SAE1: variants seen among roughly 807,000 people sequenced by gnomAD.
SAE1 encodes SUMO1 activating enzyme subunit 1.
A neutral mutation model predicts 40.6 loss-of-function variants in SAE1; 11 were observed. The observed-to-expected ratio is 0.27, with a 90% CI of 0.17 to 0.45. The LOEUF (loss-of-function observed/expected upper bound fraction) is 0.45, where lower values mean the gene tolerates loss of function less well. Among genes scored for constraint, SAE1 ranks in the 20% least tolerant of loss-of-function variants. The pLI is 1.00. For missense variants in SAE1, 373 were observed against 427.3 expected, an observed-to-expected ratio of 0.87 and a Z score of 1.12; for synonymous variants, 155 against 154.3, an observed-to-expected ratio of 1.00 and a Z score of -0.03.
At chr19:47,137,082 G>T (rs2058184937) in intron 1 of SAE1, among the ~76,000 whole-genome samples, 1 of 152,040 alleles carries the variant, frequency 6.6e-6, no homozygotes, top group Non-Finnish European at 1.5e-5. Flanking sequence ...TAAGTGAAGG[G>T]ACTGTTGTGG....
intron 5 of SAE1, among the ~76,000 whole-genome samples, chr19:47,164,975 C>G (rs577378799): frequency 6.6e-6 from 1 of 150,398 alleles, no homozygotes; most frequent in Non-Finnish European, 1.5e-5. Flanking sequence ...TTAGTAGAGA[C>G]GGAGTTTCAC....
intron 6 of SAE1, among the ~76,000 whole-genome samples, chr19:47,172,763 A>C (rs2058442235): frequency 1.3e-5 from 2 of 150,686 alleles, no homozygotes; most frequent in Non-Finnish European, 3.0e-5. Flanking sequence ...AAAAGTGTAC[A>C]CGCCAAAAAA....
intron 3 of SAE1, among the ~76,000 whole-genome samples, chr19:47,152,619 A>G (rs768430760): frequency 6.6e-6 from 1 of 152,170 alleles, no homozygotes; most frequent in Non-Finnish European, 1.5e-5. Context: ...ATGTTCGTGG[A>G]TTACAGAAAA....
At chr19:47,169,998 G>A in intron 6 of SAE1, 75 bp downstream of exon 6, 1 of 1,127,786 alleles carries the variant, frequency 8.9e-7, no homozygotes, top group South Asian at 1.2e-5. Flanking sequence ...GCAAGGTCCA[G>A]ATGGTTTTGT....
intron 6 of SAE1, among the ~76,000 whole-genome samples, chr19:47,170,483 T>C (rs893015990): frequency 2.0e-5 from 3 of 147,300 alleles, no homozygotes; most frequent in African/African-American, 7.5e-5. Context: ...ATCAACCAAC[T>C]TCTCTTCACC....
chr19:47,196,773 A>C (rs907610601), intron 6 of SAE1, among the ~76,000 whole-genome samples: 1 of 152,002 alleles, frequency 6.6e-6, no homozygotes, highest in Non-Finnish European at 1.5e-5. Flanking sequence ...AGCCTTCCTG[A>C]TACCACCCTA....
chr19:47,183,358 T>G (rs2058523294), intron 6 of SAE1, among the ~76,000 whole-genome samples: 1 of 152,106 alleles, frequency 6.6e-6, no homozygotes, highest in Admixed American at 6.6e-5. Context: ...ACGCAGTAAG[T>G]GTTAGAGTCT....
At chr19:47,208,935 T>A (rs1190114645) in intron 8 of SAE1, among the ~76,000 whole-genome samples, 2 of 152,176 alleles carry the variant, frequency 1.3e-5, no homozygotes, top group African/African-American at 4.8e-5. Context: ...AATAAGGTAA[T>A]GTTTGGAGAG....
At chr19:47,136,898 G>T (rs1483788640) in intron 1 of SAE1, among the ~76,000 whole-genome samples, 1 of 152,132 alleles carries the variant, frequency 6.6e-6, no homozygotes, top group Non-Finnish European at 1.5e-5. Flanking sequence ...CCTCTAAGAG[G>T]GCTCTAGGTG....
At chr19:47,207,536 G>C (rs2058692542) in intron 8 of SAE1, among the ~76,000 whole-genome samples, 3 of 152,172 alleles carry the variant, frequency 2.0e-5, no homozygotes, top group Non-Finnish European at 4.4e-5. Flanking sequence ...TTGAAAATTT[G>C]TGACAATTGT....
chr19:47,133,076 G>A (rs1401009290), intron 1 of SAE1, among the ~76,000 whole-genome samples: 1 of 152,142 alleles, frequency 6.6e-6, no homozygotes, highest in Non-Finnish European at 1.5e-5. Flanking sequence ...AGAACAGCAA[G>A]TGCAAATTCC....
chr19:47,164,805 C>A (rs1452940751), intron 5 of SAE1, among the ~76,000 whole-genome samples: 5 of 151,668 alleles, frequency 3.3e-5, no homozygotes, highest in African/African-American at 9.7e-5. Context: ...CCTGCCACCA[C>A]GCCCAGCTAA....
chr19:47,130,876 C>T lies in SAE1; in HGVS notation c.-55C>T. Reference sequence around the variant, plus strand: ...CGGCGGCGGTAGGTGGCGCGCGGGTCCGGCGGGCGGTTGGCTTGAGCGGGA... The same window carrying T: ...CGGCGGCGGTAGGTGGCGCGCGGGTTCGGCGGGCGGTTGGCTTGAGCGGGA... On this transcript the variant is annotated 5_prime_UTR_variant, in exon 1 of 9. Transcript: ENST00000270225. 3 of 1,544,642 alleles carry T rather than the reference C, an allele frequency of 1.9e-6. No individual in the cohort carries two copies. Among genetic ancestry groups the T allele is most frequent in the Non-Finnish European group, 2.6e-6 (3 of 1,144,722 alleles).
At chr19:47,189,242 G>C (rs2058563689) in intron 6 of SAE1, among the ~76,000 whole-genome samples, 1 of 152,192 alleles carries the variant, frequency 6.6e-6, no homozygotes, top group African/African-American at 2.4e-5. Flanking sequence ...TGTTTCCAGA[G>C]ATAGCGACTC....
chr19:47,131,875 A>G (rs1307635432), intron 1 of SAE1, among the ~76,000 whole-genome samples: 1 of 150,928 alleles, frequency 6.6e-6, no homozygotes, highest in Non-Finnish European at 1.5e-5. Flanking sequence ...TAATTTTTGT[A>G]TTTTTAGTAG....
At chr19:47,152,326 G>A (rs2058293029) in intron 3 of SAE1, among the ~76,000 whole-genome samples, 1 of 152,180 alleles carries the variant, frequency 6.6e-6, no homozygotes, top group South Asian at 2.1e-4. Flanking sequence ...CTGAATGGAA[G>A]GTCACTTGGT....
Position 47,199,390 on chromosome 19 carries a change from CAAAA to C in SAE1, c.878+2033_878+2036del, listed in dbSNP as rs35275499. Among the ~76,000 whole-genome samples, 365 of 56,316 alleles carry C rather than the reference CAAAA, an allele frequency of 6.5e-3. 1 individual carries two copies. The highest frequency in any genetic ancestry group is 0.023 in the African/African-American group (339 of 14,764). The allele number at this position is 56,316 out of a possible 152,430, so 36.9% of individuals were successfully genotyped here. On this transcript the variant is annotated intron_variant, in intron 7 of 8. Coordinates refer to ENST00000270225, the MANE Select transcript of SAE1 (RefSeq NM_005500.3). ...ACAGAGCGAGAGGGAGACTCCTTCTCAAAAAAAAAAAAAAAAAAAAAAAGGCAGC... is the reference window on the plus strand; with the variant it reads ...ACAGAGCGAGAGGGAGACTCCTTCTCAAAAAAAAAAAAAAAAAAAGGCAGC...
chr19:47,185,966 G>A (rs1244324540), intron 6 of SAE1, among the ~76,000 whole-genome samples: 3 of 151,510 alleles, frequency 2.0e-5, no homozygotes, highest in East Asian at 2.0e-4. Flanking sequence ...GGCCCCGGGC[G>A]TGGTGGCTCA....
At chr19:47,207,436 C>A (rs1467807926) in intron 8 of SAE1, among the ~76,000 whole-genome samples, 1 of 152,118 alleles carries the variant, frequency 6.6e-6, no homozygotes, top group East Asian at 1.9e-4. Context: ...AACCGTTAAA[C>A]CCTGCCCTGG....
Sources: allele counts gnomAD v4.1 joint callset (sites outside exome capture counted in the v4.1 genomes callset), GRCh38; gene constraint gnomAD v4.1.1; transcripts MANE v1.5; gene names NCBI Gene and HGNC (gene_info 2026-07-23, HGNC 2026-07-21).